CTNND2: variants seen among roughly 807,000 people sequenced by gnomAD.
CTNND2 encodes the protein catenin delta 2, also known as catenin delta-2.
A neutral mutation model predicts 144.4 loss-of-function variants in CTNND2; 22 were observed. The observed-to-expected ratio is 0.15, with a 90% CI of 0.11 to 0.22. The LOEUF (loss-of-function observed/expected upper bound fraction) is 0.22. Ranked by LOEUF, CTNND2 falls within the 10% of genes least tolerant of loss-of-function variation. CTNND2 has a pLI of 1.00. For missense variants in CTNND2, 1,353 were observed against 1,618.8 expected (o/e 0.84, Z 2.82); for synonymous variants, 751 against 695.6 (o/e 1.08, Z -1.25).
intron 3 of CTNND2, among the ~76,000 whole-genome samples, chr5:11,450,825 G>A (rs1765241347): frequency 6.7e-6 from 1 of 149,916 alleles, no homozygotes; most frequent in Non-Finnish European, 1.5e-5. Flanking sequence ...TTGAACCCGG[G>A]AGGCGGAGGT....
At chr5:11,770,487 G>A (rs1402911734) in intron 1 of CTNND2, among the ~76,000 whole-genome samples, 1 of 151,630 alleles carries the variant, frequency 6.6e-6, no homozygotes, top group Non-Finnish European at 1.5e-5. Flanking sequence ...GGAAGGGGAA[G>A]GAAGACTGTT....
At chr5:11,369,472 T>C (rs113156478) in intron 7 of CTNND2, among the ~76,000 whole-genome samples, 2 of 152,318 alleles carry the variant, frequency 1.3e-5, no homozygotes, top group African/African-American at 4.8e-5. Flanking sequence ...CTGTTTTCAT[T>C]TGGCCAACAA....
chr5:11,562,304 G>A (rs934857977), intron 3 of CTNND2, among the ~76,000 whole-genome samples: 2 of 152,014 alleles, frequency 1.3e-5, no homozygotes, highest in East Asian at 3.9e-4. Flanking sequence ...AAAAAAAGTT[G>A]ACGTTCTATT....
chr5:11,478,867 C>T (rs1013303228), intron 3 of CTNND2, among the ~76,000 whole-genome samples: 5 of 152,182 alleles, frequency 3.3e-5, no homozygotes, highest in African/African-American at 7.2e-5. Context: ...AGACGTCAGA[C>T]GGCCACTGTA....
At chr5:11,360,085 C>G (rs1756293960) in intron 8 of CTNND2, among the ~76,000 whole-genome samples, 1 of 152,064 alleles carries the variant, frequency 6.6e-6, no homozygotes, top group Admixed American at 6.5e-5. Flanking sequence ...AAAAGGTAGA[C>G]AGTAGTGCGC....
chr5:11,482,169 G>A (rs536409072), intron 3 of CTNND2, among the ~76,000 whole-genome samples: 9 of 152,132 alleles, frequency 5.9e-5, no homozygotes, highest in Admixed American at 5.2e-4. Context: ...CGCAGGAATT[G>A]GTGTTTTGCA....
intron 9 of CTNND2, among the ~76,000 whole-genome samples, chr5:11,335,905 G>A (rs1753683099): frequency 6.6e-6 from 1 of 152,046 alleles, no homozygotes; most frequent in Non-Finnish European, 1.5e-5. Flanking sequence ...GCCTCTGATT[G>A]GTTGCTTTCT....
intron 1 of CTNND2, among the ~76,000 whole-genome samples, chr5:11,855,836 A>G (rs1795225712): frequency 6.6e-6 from 1 of 152,218 alleles, no homozygotes; most frequent in African/African-American, 2.4e-5. Context: ...CAAGCTTTCT[A>G]GATGATGGGG....
At chr5:11,307,940 T>C (rs35508785) in intron 9 of CTNND2, among the ~76,000 whole-genome samples, 28 of 152,300 alleles carry the variant, frequency 1.8e-4, no homozygotes, top group Admixed American at 7.8e-4. Flanking sequence ...AGGTAGACAG[T>C]GCCCTTATAA....
chr5:11,564,133 G>C (rs1415699550), intron 3 of CTNND2, among the ~76,000 whole-genome samples: 3 of 152,202 alleles, frequency 2.0e-5, no homozygotes, highest in Admixed American at 6.5e-5. Flanking sequence ...GGCTACCTTA[G>C]AGAGAAACAA....
At chr5:11,792,941 A>G (rs1791214005) in intron 1 of CTNND2, among the ~76,000 whole-genome samples, 1 of 152,200 alleles carries the variant, frequency 6.6e-6, no homozygotes. Context: ...AGGGGGAAAA[A>G]ACGTCCACAT....
intron 12 of CTNND2, among the ~76,000 whole-genome samples, chr5:11,149,268 T>G (rs1178753632): frequency 1.3e-5 from 2 of 152,212 alleles, no homozygotes; most frequent in Non-Finnish European, 2.9e-5. Context: ...CGGTGACGCT[T>G]TCCTTTGGCA....
intron 11 of CTNND2, among the ~76,000 whole-genome samples, chr5:11,181,344 C>G (rs1171037585): frequency 1.3e-5 from 2 of 152,128 alleles, no homozygotes; most frequent in Non-Finnish European, 2.9e-5. Flanking sequence ...TCTGGCTTAC[C>G]TACTACCTCA....
chr5:11,486,736 A>G (rs1225635139), intron 3 of CTNND2, among the ~76,000 whole-genome samples: 1 of 152,200 alleles, frequency 6.6e-6, no homozygotes, highest in African/African-American at 2.4e-5. Context: ...ATGAACCTAA[A>G]TAGTCTTCAT....
intron 1 of CTNND2, among the ~76,000 whole-genome samples, chr5:11,812,403 G>A (rs1015229774): frequency 6.6e-6 from 1 of 152,148 alleles, no homozygotes; most frequent in Non-Finnish European, 1.5e-5. Context: ...TCCTATGGCT[G>A]ACATGGCATG....
At position 11,903,731 on chromosome 5, in the gene CTNND2, G is replaced by A. The variant is rs1212643136; in HGVS notation, c.37+86C>T. The A allele has an allele frequency of 2.8e-5, 38 of 1,376,966 alleles. No individual in the cohort carries two copies. The highest frequency in any genetic ancestry group is 2.6e-4 in the South Asian group (19 of 73,182). 85.3% of individuals were successfully genotyped at this position (1,376,966 alleles called of 1,614,324 possible). On this transcript the variant is annotated intron_variant, in intron 1 of 21. Transcript: ENST00000304623. The surrounding 1 kb of genome is among the most constrained non-coding windows in gnomAD (Gnocchi z 5.4). ...CCGCCGCCTGCCGGCCGGGAGCCCA[G>A]GACCACCCCCACCAGCGGCAAGAGG...
intron 3 of CTNND2, among the ~76,000 whole-genome samples, chr5:11,428,197 C>T (rs2149868005): frequency 6.6e-6 from 1 of 152,280 alleles, no homozygotes; most frequent in Non-Finnish European, 1.5e-5. Context: ...ACCATATCAA[C>T]CCTAAAGACA....
At chr5:11,584,985 T>C (rs1165994124) in intron 2 of CTNND2, among the ~76,000 whole-genome samples, 1 of 152,200 alleles carries the variant, frequency 6.6e-6, no homozygotes, top group Non-Finnish European at 1.5e-5. Flanking sequence ...GTTGAAAACA[T>C]ACTTTGGAGA....
chr5:11,146,043 T>C (rs569777251), intron 12 of CTNND2, among the ~76,000 whole-genome samples: 2 of 152,154 alleles, frequency 1.3e-5, no homozygotes, highest in Non-Finnish European at 2.9e-5. Flanking sequence ...CATGGTTCCA[T>C]CCCCAGGAGC....
Sources: allele counts gnomAD v4.1 joint callset (sites outside exome capture counted in the v4.1 genomes callset), GRCh38; gene constraint gnomAD v4.1.1; non-coding constraint Gnocchi (gnomAD v3.1); transcripts MANE v1.5; gene names NCBI Gene and HGNC (gene_info 2026-07-23, HGNC 2026-07-21).